MTSS1: variants seen among roughly 807,000 people sequenced by gnomAD.
MTSS1 encodes MTSS I-BAR domain containing 1, also known as protein MTSS 1.
In MTSS1, 18 loss-of-function variants were observed where a neutral mutation model predicts 79.0. The observed-to-expected ratio is 0.23, with a 90% CI of 0.16 to 0.34. The LOEUF is 0.34. Ranked by LOEUF, MTSS1 falls within the 10% of genes least tolerant of loss-of-function variation. The probability of loss-of-function intolerance (pLI) is 1.00; values close to 1 mark genes in which losing one functional copy is unlikely to be tolerated. For missense variants in MTSS1, 815 were observed against 986.2 expected, an observed-to-expected ratio of 0.83 and a Z score of 2.33; for synonymous variants, 341 against 368.6, an observed-to-expected ratio of 0.93 and a Z score of 0.86.
At chr8:124,575,113 G>A (rs1053704273) in intron 6 of MTSS1, among the ~76,000 whole-genome samples, 23 of 152,148 alleles carry the variant, frequency 1.5e-4, no homozygotes, top group Non-Finnish European at 1.9e-4. Flanking sequence ...GGTGACACTG[G>A]AGATTAGAAT....
intron 3 of MTSS1, among the ~76,000 whole-genome samples, chr8:124,664,684 G>A (rs779536801): frequency 2.0e-5 from 3 of 152,064 alleles, no homozygotes; most frequent in African/African-American, 4.8e-5. Context: ...AGCAAAATCC[G>A]CAACGAGAGC....
chr8:124,629,855 T>A (rs552693351), intron 3 of MTSS1, among the ~76,000 whole-genome samples: 1 of 152,334 alleles, frequency 6.6e-6, no homozygotes, highest in South Asian at 2.1e-4. Context: ...ATAACCAGTC[T>A]TTATCATTTT....
intron 6 of MTSS1, chr8:124,568,979 A>C: frequency 1.8e-6 from 1 of 549,080 alleles, no homozygotes; most frequent in Non-Finnish European, 2.6e-6. Flanking sequence ...ATCTCAATCA[A>C]AGAGCCTCTG....
At chr8:124,626,983 T>C (rs1377225404) in intron 3 of MTSS1, among the ~76,000 whole-genome samples, 1 of 151,930 alleles carries the variant, frequency 6.6e-6, no homozygotes, top group Non-Finnish European at 1.5e-5. Flanking sequence ...CACACAGGGG[T>C]TGGACACGAA....
intron 5 of MTSS1, among the ~76,000 whole-genome samples, chr8:124,585,831 C>T (rs998470241): frequency 6.6e-6 from 1 of 151,590 alleles, no homozygotes. Context: ...AACAAAAAAA[C>T]AAACAAAAAA....
chr8:124,663,118 C>CT (rs1252806233), intron 3 of MTSS1, among the ~76,000 whole-genome samples: 36 of 152,302 alleles, frequency 2.4e-4, no homozygotes, highest in Non-Finnish European at 1.3e-4. Flanking sequence ...CCGAAATGGG[C>CT]AACTTGTACT....
At chr8:124,720,833 A>G (rs565202847) in intron 1 of MTSS1, among the ~76,000 whole-genome samples, 1 of 152,350 alleles carries the variant, frequency 6.6e-6, no homozygotes, top group Admixed American at 6.5e-5. Context: ...ATTTGAGTGG[A>G]CGTTCGCCAG....
At chr8:124,685,797 T>A (rs1826863876) in intron 3 of MTSS1, among the ~76,000 whole-genome samples, 1 of 152,192 alleles carries the variant, frequency 6.6e-6, no homozygotes, top group Non-Finnish European at 1.5e-5. Context: ...AAAAATACTT[T>A]TAAAATGCCA....
Position 124,597,482 on chromosome 8 carries a change from C to T in MTSS1, c.209-6247G>A, listed in dbSNP as rs556183751. ...AAGAAAAGCAAAGTTTCCTTGCCCC[C>T]TAAAGTCCGAAGTCAGATTGCCCCT... is the stretch of plus-strand genomic sequence containing the variant. On this transcript the variant is annotated intron_variant, in intron 3 of 13. Transcript: ENST00000518547. This position sits in a 1 kb window ranked among gnomAD's most constrained non-coding sequence, Gnocchi z 4.6. Among the ~76,000 whole-genome samples, 1 of 152,306 alleles carries T rather than the reference C, an allele frequency of 6.6e-6. No individual in the cohort carries two copies. The highest frequency in any genetic ancestry group is 6.5e-5 in the Admixed American group (1 of 15,306).
At chr8:124,665,469 C>T (rs1822881773) in intron 3 of MTSS1, among the ~76,000 whole-genome samples, 2 of 152,212 alleles carry the variant, frequency 1.3e-5, no homozygotes, top group South Asian at 2.1e-4. Flanking sequence ...TCCAGGAAGA[C>T]TTTGGTGATT....
In MTSS1 at chr8:124,591,180, G is replaced by A; in HGVS notation, c.264C>T (p.Ser88=). ...AAAACTGCCTCAGCTTGGCTTCAAT[G>A]CTTCTGTGCCTCATGCACATCCTGG... ...ALTRMCMRHR[S]IEAKLRQFSS... The change falls in exon 4 of 14, where the codon AGC becomes AGT. Residue 88 remains serine, a synonymous_variant. Coordinates refer to ENST00000518547, the MANE Select transcript of MTSS1 (RefSeq NM_014751.6). 2 of 1,614,240 alleles carry A rather than the reference G, an allele frequency of 1.2e-6. No individual in the cohort carries two copies. The highest frequency in any genetic ancestry group is 8.5e-7 in the Non-Finnish European group (1 of 1,180,044).
At chr8:124,639,691 T>C (rs1817670719) in intron 3 of MTSS1, among the ~76,000 whole-genome samples, 4 of 152,160 alleles carry the variant, frequency 2.6e-5, no homozygotes, top group Admixed American at 2.6e-4. Flanking sequence ...TTTGAACTCC[T>C]GACCTCAAGT....
chr8:124,694,220 G>C (rs1020665553), intron 3 of MTSS1, among the ~76,000 whole-genome samples: 3 of 152,088 alleles, frequency 2.0e-5, no homozygotes, highest in Non-Finnish European at 4.4e-5. Context: ...GCGGAGTACA[G>C]AGCGGACGAC....
chr8:124,696,119 C>A (rs1426961602), intron 3 of MTSS1, among the ~76,000 whole-genome samples: 2 of 151,984 alleles, frequency 1.3e-5, no homozygotes, highest in Admixed American at 1.3e-4. Flanking sequence ...TCCCAAGTAG[C>A]TGGGATTACA....
intron 3 of MTSS1, among the ~76,000 whole-genome samples, chr8:124,645,514 T>C (rs1818848715): frequency 6.6e-6 from 1 of 152,242 alleles, no homozygotes. Flanking sequence ...ACTCAAATTA[T>C]TCTTCCCACG....
intron 3 of MTSS1, among the ~76,000 whole-genome samples, chr8:124,633,135 A>AC (rs538921762): frequency 5.3e-5 from 8 of 152,188 alleles, no homozygotes; most frequent in Non-Finnish European, 5.9e-5. Context: ...ACATAGTGAG[A>AC]CCCCATCTGT....
chr8:124,647,180 T>G lies in MTSS1; in HGVS notation c.208+52346A>C, dbSNP rs1409143845. Among the ~76,000 whole-genome samples the G allele has an allele frequency of 2.0e-5, 3 of 152,212 alleles. No homozygotes were observed. The East Asian group carries it at 5.8e-4, about 29-fold the overall frequency. ...TTTAAATAAAAGGAATTTACCTACA[T>G]TTTCAAAAACTACTTCAAAGTACAT... On this transcript the variant is annotated intron_variant, in intron 3 of 13. Transcript: ENST00000518547.
intron 3 of MTSS1, among the ~76,000 whole-genome samples, chr8:124,644,079 T>G (rs920206802): frequency 2.0e-5 from 3 of 152,130 alleles, no homozygotes; most frequent in African/African-American, 7.2e-5. Context: ...AGGATTCCCT[T>G]TAGGCCCACG....
intron 1 of MTSS1, among the ~76,000 whole-genome samples, chr8:124,708,718 T>C (rs180930076): frequency 2.0e-5 from 3 of 152,214 alleles, no homozygotes; most frequent in Admixed American, 2.0e-4. Flanking sequence ...GTCCCCTTTC[T>C]AGTCAAGGGG....
Sources: gnomAD v4.1 joint callset for allele counts (sites outside exome capture counted in the v4.1 genomes callset) on GRCh38, gnomAD v4.1.1 for gene constraint, Gnocchi (gnomAD v3.1) non-coding constraint, MANE v1.5 for transcripts, NCBI Gene and HGNC (gene_info 2026-07-23, HGNC 2026-07-21) for gene names.